The following TBC1D5 variants were observed in gnomAD, a reference collection of about 807,000 sequenced individuals.
TBC1D5 encodes TBC1 domain family member 5.
TBC1D5 carries 75 observed loss-of-function variants against 100.3 expected under a neutral mutation model. The observed-to-expected ratio is 0.75, with a 90% CI of 0.62 to 0.91. The LOEUF (loss-of-function observed/expected upper bound fraction) is 0.91. Among genes scored for constraint, TBC1D5 ranks in the 40% least tolerant of loss-of-function variants. TBC1D5 has a pLI of 0.00. For missense variants in TBC1D5, 910 were observed against 942.4 expected (o/e 0.97, Z 0.45); for synonymous variants, 323 against 325.6 (o/e 0.99, Z 0.09).
chr3:17,172,912 C>T (rs1362585352), intron 19 of TBC1D5, among the ~76,000 whole-genome samples: 1 of 152,136 alleles, frequency 6.6e-6, no homozygotes, highest in East Asian at 1.9e-4. Context: ...AGCAGAACAT[C>T]TGGCTTTAAC....
intron 3 of TBC1D5, among the ~76,000 whole-genome samples, chr3:17,439,280 C>T (rs2149510140): frequency 6.6e-6 from 1 of 152,228 alleles, no homozygotes; most frequent in African/African-American, 2.4e-5. Context: ...TTCACTGGGA[C>T]TCTATGCAGG....
At chr3:17,170,715 A>G (rs141143713) in intron 19 of TBC1D5, among the ~76,000 whole-genome samples, 1 of 152,264 alleles carries the variant, frequency 6.6e-6, no homozygotes, top group Non-Finnish European at 1.5e-5. Context: ...ACAGGAACAC[A>G]AAGCTCTCTT....
At chr3:17,713,725 C>T (rs2074979164) in intron 1 of TBC1D5, among the ~76,000 whole-genome samples, 1 of 152,112 alleles carries the variant, frequency 6.6e-6, no homozygotes, top group Non-Finnish European at 1.5e-5. Context: ...GGAAAAGAAT[C>T]TGAATACACA....
Position 17,281,055 on chromosome 3 carries a change from G to A in TBC1D5, c.1245+10840C>T, listed in dbSNP as rs144662704. 8.9e-3 allele frequency among the ~76,000 whole-genome samples: 1,348 copies of A among 152,264 alleles called. 16 individuals carry two copies. The highest frequency in any genetic ancestry group is 0.03 in the African/African-American group (1,264 of 41,548). On this transcript the variant is annotated intron_variant, in intron 15 of 21. Coordinates refer to ENST00000253692, the Ensembl canonical transcript of TBC1D5. ...CAAGTGAGTGGAGTTTGCCTCTGCCGGTGCCAAAGCAGCCAGCTAGCTCCA... is the reference window on the plus strand; with the variant it reads ...CAAGTGAGTGGAGTTTGCCTCTGCCAGTGCCAAAGCAGCCAGCTAGCTCCA...
chr3:17,403,123 A>G, intron 8 of TBC1D5, 58 bp downstream of exon 8: 1 of 1,409,926 alleles, frequency 7.1e-7, no homozygotes. Context: ...TGTTAAAATT[A>G]GAAAGAGATA....
intron 1 of TBC1D5, chr3:17,706,072 C>T (rs917147014): frequency 1.2e-6 from 2 of 1,601,520 alleles, no homozygotes; most frequent in Admixed American, 3.4e-5. Context: ...TTTCCCCCGA[C>T]CCCAGACTGG....
At chr3:17,706,170 G>A in intron 1 of TBC1D5, 3 of 1,570,720 alleles carry the variant, frequency 1.9e-6, no homozygotes, top group South Asian at 2.3e-5. Flanking sequence ...GACATCGGCA[G>A]GCAGCCGCTC....
intron 14 of TBC1D5, among the ~76,000 whole-genome samples, chr3:17,296,882 A>G (rs953557859): frequency 6.6e-6 from 1 of 152,242 alleles, no homozygotes; most frequent in African/African-American, 2.4e-5. Flanking sequence ...AAAGAGGACA[A>G]TCTCAAATTC....
intron 1 of TBC1D5, among the ~76,000 whole-genome samples, chr3:17,653,998 C>T (rs1388582363): frequency 6.6e-6 from 1 of 152,072 alleles, no homozygotes; most frequent in African/African-American, 2.4e-5. Flanking sequence ...AGGAGATATG[C>T]ATTCTTTTTG....
At chr3:17,435,284 G>A (rs919484093) in intron 3 of TBC1D5, among the ~76,000 whole-genome samples, 2 of 152,000 alleles carry the variant, frequency 1.3e-5, no homozygotes, top group African/African-American at 4.8e-5. Context: ...TATCCTTATA[G>A]CAGCACGCCA....
intron 3 of TBC1D5, among the ~76,000 whole-genome samples, chr3:17,468,607 T>G (rs1014840233): frequency 6.6e-6 from 1 of 152,148 alleles, no homozygotes; most frequent in Non-Finnish European, 1.5e-5. Context: ...GGATCTTTGT[T>G]ATGTTCAATG....
chr3:17,278,967 T>G (rs1409051754), intron 15 of TBC1D5, among the ~76,000 whole-genome samples: 1 of 152,238 alleles, frequency 6.6e-6, no homozygotes, highest in African/African-American at 2.4e-5. Context: ...AAATTATCTT[T>G]GTTAAGAACA....
intron 2 of TBC1D5, among the ~76,000 whole-genome samples, chr3:17,590,266 C>T (rs2096758363): frequency 6.6e-6 from 1 of 152,190 alleles, no homozygotes; most frequent in African/African-American, 2.4e-5. Context: ...GGAAGGAACA[C>T]AGAGTTAGAT....
chr3:17,667,454 T>A (rs893832769), intron 1 of TBC1D5, among the ~76,000 whole-genome samples: 11 of 151,958 alleles, frequency 7.2e-5, no homozygotes, highest in African/African-American at 2.7e-4. Flanking sequence ...TAAGAAAAAA[T>A]TTTTTTTCTT....
chr3:17,627,600 T>C (rs140299256), intron 1 of TBC1D5, among the ~76,000 whole-genome samples: 4 of 150,684 alleles, frequency 2.7e-5, no homozygotes, highest in East Asian at 3.9e-4. Context: ...TACCCAACAT[T>C]GTTAAACAAG....
At chr3:17,642,450 C>T (rs1422990763) in intron 1 of TBC1D5, among the ~76,000 whole-genome samples, 1 of 151,972 alleles carries the variant, frequency 6.6e-6, no homozygotes, top group African/African-American at 2.4e-5. Flanking sequence ...GCTCAAGATC[C>T]CAGAGTCAGT....
chr3:17,302,157 A>G (rs1459886751), intron 14 of TBC1D5, among the ~76,000 whole-genome samples: 1 of 152,136 alleles, frequency 6.6e-6, no homozygotes, highest in Admixed American at 6.6e-5. Context: ...TTTCTTCTGA[A>G]GAGGAAAAAT....
At chr3:17,729,355 A>G (rs28414325) in intron 1 of TBC1D5, among the ~76,000 whole-genome samples, 16 of 87,144 alleles carry the variant, frequency 1.8e-4, no homozygotes, top group Admixed American at 4.0e-4. Context: ...ATTTGAGAGA[A>G]AAAAAAAAAA....
chr3:17,415,113 CAGTT>C (rs943653434), intron 4 of TBC1D5, among the ~76,000 whole-genome samples: 5 of 152,102 alleles, frequency 3.3e-5, no homozygotes, highest in Admixed American at 1.3e-4. Context: ...TGAGTTAAAA[CAGTT>C]AGTTAGGGAC....
Sources: allele counts gnomAD v4.1 joint callset (sites outside exome capture counted in the v4.1 genomes callset), GRCh38; gene constraint gnomAD v4.1.1; transcripts MANE v1.5; gene names NCBI Gene and HGNC (gene_info 2026-07-23, HGNC 2026-07-21).